Variants in DNAH11 observed in about 807,000 individuals in gnomAD.
DNAH11 encodes axonemal beta dynein heavy chain 11.
In DNAH11, 442 loss-of-function variants were observed where a neutral mutation model predicts 526.0. The ratio of observed to expected loss-of-function variants is 0.84; its 90% CI spans 0.78 to 0.91. The LOEUF is 0.91. Ranked by LOEUF, DNAH11 falls within the 40% of genes least tolerant of loss-of-function variation. The pLI, the probability that DNAH11 is intolerant of heterozygous loss-of-function variation, is 0.00. For missense variants in DNAH11, 6,989 were observed against 5,448.7 expected (o/e 1.28, Z -8.90); for synonymous variants, 2,461 against 1,935.9 (o/e 1.27, Z -7.12).
chr7:21,744,734 G>T, intron 50 of DNAH11, 135 bp downstream of exon 50: 1 of 1,424,848 alleles, frequency 7.0e-7, no homozygotes. Flanking sequence ...GAATACACTT[G>T]GTCTATGCTT....
intron 5 of DNAH11, among the ~76,000 whole-genome samples, chr7:21,562,130 C>T (rs1319103298): frequency 6.6e-6 from 1 of 152,164 alleles, no homozygotes; most frequent in African/African-American, 2.4e-5. Flanking sequence ...CCAAATTGGC[C>T]TATTAACACC....
rs763024182 is a variant in DNAH11 at position 21,818,278 on chromosome 7, G to A, written c.10630G>A (p.Glu3544Lys). 31 of 1,611,916 alleles carry A rather than the reference G, an allele frequency of 1.9e-5. No homozygotes were observed. Among genetic ancestry groups the A allele is most frequent in the Admixed American group, 1.8e-4 (11 of 59,730 alleles). Residue 3544 changes from glutamate (E) to lysine (K), a missense_variant, in exon 65 of 82, where the codon GAG becomes AAG. Physicochemically the swap from Glu to Lys is moderately conservative, Grantham distance 56. Coordinates refer to ENST00000409508, the MANE Select transcript of DNAH11 (RefSeq NM_001277115.2). ...TGATGTCATCTTAATTGAAAATCTC[G>A]AGGAAACGATAGATCCAGTCCTGGA... The part of the protein sequence containing the change: ...FGDVILIENL[E>K]ETIDPVLDPL...
chr7:21,683,127 G>A (rs563309808), intron 31 of DNAH11, among the ~76,000 whole-genome samples: 9 of 152,078 alleles, frequency 5.9e-5, no homozygotes, highest in African/African-American at 1.4e-4. Flanking sequence ...TCTAATATAC[G>A]TGAATATGCA....
chr7:21,757,043 G>A (rs1302114200), intron 54 of DNAH11, among the ~76,000 whole-genome samples: 1 of 152,134 alleles, frequency 6.6e-6, no homozygotes, highest in African/African-American at 2.4e-5. Context: ...GAAAGCCATT[G>A]GATGGAGGGA....
At chr7:21,670,297 T>G (rs1438139265) in intron 30 of DNAH11, among the ~76,000 whole-genome samples, 2 of 152,018 alleles carry the variant, frequency 1.3e-5, no homozygotes, top group African/African-American at 4.8e-5. Flanking sequence ...TTTATTCTAT[T>G]TTATATAATA....
intron 45 of DNAH11, 145 bp downstream of exon 45, chr7:21,726,129 C>G: frequency 1.2e-6 from 1 of 850,978 alleles, no homozygotes; most frequent in Non-Finnish European, 1.7e-6. Flanking sequence ...CTGGCATCTG[C>G]TGAGCTTCTG....
At chr7:21,741,022 C>T (rs149472409) in intron 48 of DNAH11, among the ~76,000 whole-genome samples, 64 of 152,190 alleles carry the variant, frequency 4.2e-4, no homozygotes, top group African/African-American at 1.3e-3. Flanking sequence ...GTATCTTCTT[C>T]GGAGAAACGT....
At chr7:21,885,722 C>T (rs1784103160) in intron 76 of DNAH11, among the ~76,000 whole-genome samples, 1 of 152,080 alleles carries the variant, frequency 6.6e-6, no homozygotes, top group South Asian at 2.1e-4. Flanking sequence ...CATTGTACCC[C>T]ATCAATATGT....
chr7:21,550,080 G>A (rs1484274620), intron 2 of DNAH11, among the ~76,000 whole-genome samples: 2 of 152,018 alleles, frequency 1.3e-5, no homozygotes, highest in African/African-American at 4.8e-5. Flanking sequence ...GATTTTTCTG[G>A]GTTAACTTGA....
intron 48 of DNAH11, 149 bp from the exon 49 acceptor site, chr7:21,741,778 C>A: frequency 1.2e-6 from 1 of 865,052 alleles, no homozygotes; most frequent in Non-Finnish European, 1.7e-6. Context: ...TTAAGTAAAT[C>A]ACATGGCCAA....
At chr7:21,587,287 A>G (rs112510349) in intron 9 of DNAH11, among the ~76,000 whole-genome samples, 8 of 152,234 alleles carry the variant, frequency 5.3e-5, no homozygotes, top group African/African-American at 1.9e-4. Flanking sequence ...TTGACTGAGC[A>G]AGAGGAGTTT....
At chr7:21,887,266 A>G (rs1784160123) in intron 76 of DNAH11, among the ~76,000 whole-genome samples, 1 of 152,232 alleles carries the variant, frequency 6.6e-6, no homozygotes, top group African/African-American at 2.4e-5. Context: ...GTTTGCTCTC[A>G]GAGAGAGTTC....
At position 21,599,852 on chromosome 7, in the gene DNAH11, T is replaced by C. The variant is rs769925733; in HGVS notation, c.2733T>C (p.Ile911=). ...CCTGGAAAATTTATGTAGAATTCAT[T>C]GACGACATTGTGGTGGAAGGCTTTT... The part of the protein sequence containing the change: ...LDTWKIYVEF[I]DDIVVEGFFQ... The change falls in exon 15 of 82, where the codon ATT becomes ATC. Residue 911 remains isoleucine (I), a synonymous_variant. Transcript: ENST00000409508. 1 of 1,604,360 alleles carries C rather than the reference T, an allele frequency of 6.2e-7. No homozygotes were observed. Among genetic ancestry groups the C allele is most frequent in the Admixed American group, 1.7e-5 (1 of 59,614 alleles).
chr7:21,675,253 A>G (rs1454840238), intron 30 of DNAH11, among the ~76,000 whole-genome samples: 1 of 151,294 alleles, frequency 6.6e-6, no homozygotes, highest in African/African-American at 2.4e-5. Flanking sequence ...ATCCTTACAC[A>G]CCCCTCCTTC....
chr7:21,735,715 C>G lies in DNAH11; in HGVS notation c.7516C>G (p.Leu2506Val), dbSNP rs377634674. The change falls in exon 46 of 82, where the codon CTA (leucine) becomes GTA (valine). Residue 2506 changes from leucine (L) to valine (V), a missense_variant. Leu to Val is a conservative substitution (Grantham distance 32). Coordinates refer to ENST00000409508, the MANE Select transcript of DNAH11 (RefSeq NM_001277115.2). ...GTTGTTGCTTGAGAAAGGAAAACCTCTAATGCTAGTAGGAAATGCAGGAGT... is the reference window on the plus strand; with the variant it reads ...GTTGTTGCTTGAGAAAGGAAAACCTGTAATGCTAGTAGGAAATGCAGGAGT... ...MELLLEKGKP[L>V]MLVGNAGVGK... 2 of 1,613,818 alleles carry G rather than the reference C, an allele frequency of 1.2e-6. No homozygotes were observed. Among genetic ancestry groups the G allele is most frequent in the African/African-American group, 1.3e-5 (1 of 74,922 alleles).
chr7:21,816,685 A>G lies in DNAH11; in HGVS notation c.10551A>G (p.Thr3517=), dbSNP rs1413462356. 3 of 1,613,432 alleles carry G rather than the reference A, an allele frequency of 1.9e-6. No individual in the cohort carries two copies. The highest frequency in any genetic ancestry group is 1.6e-4 in the Middle Eastern group (1 of 6,078). The change falls in exon 64 of 82, where the codon ACA becomes ACG. Residue 3517 remains threonine (T), a synonymous_variant. Transcript: ENST00000409508. ...KNKYGMDLKV[T]HLGQKGFLNA... ...AGTATGGAATGGACCTGAAAGTCACACATTTGGGCCAGAAAGGGTATGTGA... is the reference window on the plus strand; with the variant it reads ...AGTATGGAATGGACCTGAAAGTCACGCATTTGGGCCAGAAAGGGTATGTGA...
chr7:21,802,787 G>A (rs1789052701), intron 62 of DNAH11, among the ~76,000 whole-genome samples: 2 of 151,902 alleles, frequency 1.3e-5, no homozygotes, highest in Admixed American at 1.3e-4. Flanking sequence ...GTCCAGAACA[G>A]GATAATTTAT....
chr7:21,814,445 A>G (rs1385566574), intron 63 of DNAH11, among the ~76,000 whole-genome samples: 2 of 150,868 alleles, frequency 1.3e-5, no homozygotes, highest in Non-Finnish European at 3.0e-5. Flanking sequence ...TACGTGTGCC[A>G]TGCTGGTGCA....
intron 40 of DNAH11, among the ~76,000 whole-genome samples, chr7:21,709,016 G>A (rs557282174): frequency 3.6e-4 from 55 of 152,248 alleles, no homozygotes; most frequent in African/African-American, 1.2e-3. Flanking sequence ...AAATTAGTTT[G>A]GAGATTTCTC....
Sources: gnomAD v4.1 joint callset for allele counts (sites outside exome capture counted in the v4.1 genomes callset) on GRCh38, gnomAD v4.1.1 for gene constraint, MANE v1.5 for transcripts, NCBI Gene and HGNC (gene_info 2026-07-23, HGNC 2026-07-21) for gene names.